CNTNAP5: variants seen among roughly 807,000 people sequenced by gnomAD.
CNTNAP5 encodes contactin associated protein family member 5.
A neutral mutation model predicts 150.2 loss-of-function variants in CNTNAP5; 72 were observed. The ratio of observed to expected loss-of-function variants is 0.48; its 90% CI spans 0.40 to 0.58. CNTNAP5 has a LOEUF of 0.58. Among genes scored for constraint, CNTNAP5 ranks in the 20% least tolerant of loss-of-function variants. CNTNAP5 has a pLI of 0.00. For missense variants in CNTNAP5, 1,636 were observed against 1,626.2 expected (o/e 1.01, Z -0.10); for synonymous variants, 672 against 619.8 (o/e 1.08, Z -1.25).
intron 1 of CNTNAP5, among the ~76,000 whole-genome samples, chr2:124,130,854 A>T (rs1683827698): frequency 6.6e-6 from 1 of 152,202 alleles, no homozygotes; most frequent in South Asian, 2.1e-4. Flanking sequence ...AGACATTCAG[A>T]CATTGAATGA....
chr2:124,170,879 C>T (rs72980545), intron 1 of CNTNAP5, among the ~76,000 whole-genome samples: 2,130 of 152,004 alleles, frequency 0.014, 45 homozygotes, highest in African/African-American at 0.048. Flanking sequence ...TGGCACATCC[C>T]TTCTAGCTGT....
At chr2:124,045,914 C>A (rs1233642164) in intron 1 of CNTNAP5, among the ~76,000 whole-genome samples, 1 of 152,130 alleles carries the variant, frequency 6.6e-6, no homozygotes, top group Non-Finnish European at 1.5e-5. Context: ...TGTTGTGAAT[C>A]CCCTGAAATT....
At chr2:124,207,404 T>C (rs193054151) in intron 1 of CNTNAP5, among the ~76,000 whole-genome samples, 4 of 152,288 alleles carry the variant, frequency 2.6e-5, no homozygotes, top group Admixed American at 2.6e-4. Flanking sequence ...CCCTCAACTT[T>C]CAAACCAACT....
intron 9 of CNTNAP5, among the ~76,000 whole-genome samples, chr2:124,524,723 A>G (rs529154283): frequency 6.6e-6 from 1 of 152,328 alleles, no homozygotes; most frequent in South Asian, 2.1e-4. Context: ...ACACATCCAA[A>G]GGAGATTTTT....
At chr2:124,565,258 A>G (rs6541961) in intron 11 of CNTNAP5, among the ~76,000 whole-genome samples, 84,612 of 151,958 alleles carry the variant, frequency 0.56, 24,644 homozygotes, top group Non-Finnish European at 0.62. Context: ...AACAAAAAAA[A>G]TATTGTTTGG....
At chr2:124,878,703 T>G (rs554367429) in intron 21 of CNTNAP5, among the ~76,000 whole-genome samples, 4 of 136,138 alleles carry the variant, frequency 2.9e-5, no homozygotes, top group Non-Finnish European at 6.8e-5. Flanking sequence ...GTTCTTTTCT[T>G]TTTTTTTTTT....
At chr2:124,129,385 A>G (rs188407519) in intron 1 of CNTNAP5, among the ~76,000 whole-genome samples, 54 of 152,290 alleles carry the variant, frequency 3.5e-4, no homozygotes, top group African/African-American at 1.2e-3. Context: ...TCTTTGCCCC[A>G]CAGCCAGGCT....
intron 11 of CNTNAP5, among the ~76,000 whole-genome samples, chr2:124,565,324 G>A (rs1695993458): frequency 6.6e-6 from 1 of 152,068 alleles, no homozygotes; most frequent in Non-Finnish European, 1.5e-5. Flanking sequence ...AGAAATCAAA[G>A]TAACTAGAAG....
intron 8 of CNTNAP5, among the ~76,000 whole-genome samples, chr2:124,512,935 T>A (rs1694626817): frequency 2.0e-5 from 3 of 152,214 alleles, no homozygotes; most frequent in Non-Finnish European, 2.9e-5. Flanking sequence ...GTAGCTATGG[T>A]CAACATGACA....
chr2:124,799,302 G>A (rs1232568565), intron 19 of CNTNAP5, among the ~76,000 whole-genome samples: 1 of 152,216 alleles, frequency 6.6e-6, no homozygotes, highest in Non-Finnish European at 1.5e-5. Flanking sequence ...CACCACTTAG[G>A]ATGGCTACTG....
intron 19 of CNTNAP5, among the ~76,000 whole-genome samples, chr2:124,864,573 T>TCACA (rs10531893): frequency 6.0e-5 from 9 of 149,854 alleles, no homozygotes; most frequent in East Asian, 2.0e-4. Flanking sequence ...TCTCTGTGTC[T>TCACA]CACACACACA....
chr2:124,353,489 G>A (rs1281373522), intron 3 of CNTNAP5, among the ~76,000 whole-genome samples: 1 of 152,052 alleles, frequency 6.6e-6, no homozygotes, highest in Non-Finnish European at 1.5e-5. Context: ...CTGCCTGGAA[G>A]TAGCATGCTC....
chr2:124,292,534 A>G (rs1688322508), intron 3 of CNTNAP5, among the ~76,000 whole-genome samples: 1 of 152,148 alleles, frequency 6.6e-6, no homozygotes, highest in Non-Finnish European at 1.5e-5. Context: ...AGATAAATTC[A>G]TATCTTATAT....
At position 124,167,371 on chromosome 2, in the gene CNTNAP5, G is replaced by A. The variant is rs373833346; in HGVS notation, c.83-54334G>A. On this transcript the variant is annotated intron_variant, in intron 1 of 23. Coordinates refer to ENST00000682447, the MANE Select transcript of CNTNAP5 (RefSeq NM_001367498.1). ...AATAAAGTTTCTTTTACACTCCAGGGTCAGTTTTTACTTGGCAATATTAAC... is the reference window on the plus strand; with the variant it reads ...AATAAAGTTTCTTTTACACTCCAGGATCAGTTTTTACTTGGCAATATTAAC... Among the ~76,000 whole-genome samples, 7 of 152,176 alleles carry A rather than the reference G, an allele frequency of 4.6e-5. No homozygotes were observed. The East Asian group carries it at 9.6e-4, about 21-fold the overall frequency.
intron 19 of CNTNAP5, among the ~76,000 whole-genome samples, chr2:124,830,486 C>G (rs1006174240): frequency 4.6e-5 from 7 of 151,950 alleles, no homozygotes; most frequent in African/African-American, 1.7e-4. Flanking sequence ...ACTGTCAAAT[C>G]TGATGAAAAG....
chr2:124,427,975 CA>C (rs1401975660), intron 4 of CNTNAP5, among the ~76,000 whole-genome samples: 1 of 152,134 alleles, frequency 6.6e-6, no homozygotes, highest in Admixed American at 6.5e-5. Context: ...TGAGGTCTTA[CA>C]TTCTGTATTT....
chr2:124,554,324 C>T (rs1369108048), intron 10 of CNTNAP5, among the ~76,000 whole-genome samples: 2 of 151,670 alleles, frequency 1.3e-5, no homozygotes, highest in Non-Finnish European at 2.9e-5. Flanking sequence ...CTTGAACATT[C>T]AGAAAATAAA....
chr2:124,590,642 T>C (rs151230506), intron 11 of CNTNAP5, among the ~76,000 whole-genome samples: 8 of 152,320 alleles, frequency 5.3e-5, no homozygotes, highest in African/African-American at 1.9e-4. Context: ...ATCCTATTGA[T>C]GTCCGTAGGC....
At chr2:124,415,974 T>C (rs1691907798) in intron 3 of CNTNAP5, among the ~76,000 whole-genome samples, 1 of 152,220 alleles carries the variant, frequency 6.6e-6, no homozygotes, top group African/African-American at 2.4e-5. Flanking sequence ...TTTTAATAAT[T>C]CTTTTTTGGC....
Sources: gnomAD v4.1 joint callset for allele counts (sites outside exome capture counted in the v4.1 genomes callset) on GRCh38, gnomAD v4.1.1 for gene constraint, MANE v1.5 for transcripts, NCBI Gene and HGNC (gene_info 2026-07-23, HGNC 2026-07-21) for gene names.